Variants in SAMD12 observed in about 807,000 individuals in gnomAD.
The protein encoded by SAMD12 is sterile alpha motif domain containing 12.
SAMD12 carries 9 observed loss-of-function variants against 15.0 expected under a neutral mutation model. The observed-to-expected ratio is 0.60, with a 90% CI of 0.36 to 1.05. The LOEUF (loss-of-function observed/expected upper bound fraction) is 1.05, where lower values mean the gene tolerates loss of function less well. Among genes scored for constraint, SAMD12 ranks in the 50% least tolerant of loss-of-function variants. The pLI is 0.01. For synonymous variants in SAMD12, 86 were observed against 90.1 expected, an observed-to-expected ratio of 0.96 and a Z score of 0.25; for missense variants, 230 against 234.2, an observed-to-expected ratio of 0.98 and a Z score of 0.12.
chr8:118,361,369 T>A (rs1477901041), intron 4 of SAMD12, among the ~76,000 whole-genome samples: 2 of 152,154 alleles, frequency 1.3e-5, no homozygotes, highest in African/African-American at 2.4e-5. Context: ...TCCCACTACC[T>A]CATCGGACAC....
At chr8:118,325,502 G>A (rs1816523993) in intron 4 of SAMD12, among the ~76,000 whole-genome samples, 1 of 152,200 alleles carries the variant, frequency 6.6e-6, no homozygotes, top group African/African-American at 2.4e-5. Context: ...TTTGACATAT[G>A]TGTACCTTGT....
intron 2 of SAMD12, among the ~76,000 whole-genome samples, chr8:118,470,049 A>G (rs894079059): frequency 1.3e-5 from 2 of 152,158 alleles, no homozygotes; most frequent in Non-Finnish European, 2.9e-5. Context: ...TTAGAGAGTA[A>G]GACAGAAAGA....
At chr8:118,459,897 A>G (rs1365912462) in intron 2 of SAMD12, among the ~76,000 whole-genome samples, 7 of 152,226 alleles carry the variant, frequency 4.6e-5, no homozygotes, top group Admixed American at 3.9e-4. Flanking sequence ...ACACAAGAGC[A>G]GACACTAAGG....
chr8:118,375,306 TCTGA>T (rs1428662007), downstream of SAMD12, among the ~76,000 whole-genome samples: 3 of 152,170 alleles, frequency 2.0e-5, no homozygotes, highest in Non-Finnish European at 4.4e-5. Context: ...TTACTAGTTG[TCTGA>T]CTATGAGTAT....
chr8:118,548,251 T>C (rs992857484), intron 2 of SAMD12, among the ~76,000 whole-genome samples: 2 of 152,180 alleles, frequency 1.3e-5, no homozygotes, highest in African/African-American at 4.8e-5. Flanking sequence ...TTTTAAAAGA[T>C]ACCCTTTTAT....
chr8:118,607,304 C>T (rs1419803770), intron 1 of SAMD12, among the ~76,000 whole-genome samples: 4 of 152,030 alleles, frequency 2.6e-5, no homozygotes, highest in East Asian at 1.9e-4. Context: ...GGCACAATCT[C>T]GGCTCACTGC....
At chr8:118,133,609 A>G in the SAMD12 span, among the ~76,000 whole-genome samples, 6 of 152,122 alleles carry the variant, frequency 3.9e-5, no homozygotes, top group Non-Finnish European at 8.8e-5. Context: ...CCTTTTTTAG[A>G]TTATGAATTC....
intron 2 of SAMD12, among the ~76,000 whole-genome samples, chr8:118,564,746 G>C (rs1826802958): frequency 6.6e-6 from 1 of 152,216 alleles, no homozygotes; most frequent in Non-Finnish European, 1.5e-5. Flanking sequence ...TTATGGGGCA[G>C]TAACAAACAT....
intron 2 of SAMD12, among the ~76,000 whole-genome samples, chr8:118,444,009 T>G (rs16891032): frequency 6.6e-6 from 1 of 152,124 alleles, no homozygotes; most frequent in African/African-American, 2.4e-5. Context: ...GACCGCCTCG[T>G]CTCCTTTCCT....
At chr8:118,165,443 A>C in the SAMD12 span, among the ~76,000 whole-genome samples, 1 of 151,668 alleles carries the variant, frequency 6.6e-6, no homozygotes, top group Admixed American at 6.6e-5. Context: ...TTTAGTAGAG[A>C]CGGGGTTTCA....
chr8:118,314,316 C>T (rs6469732), intron 4 of SAMD12, among the ~76,000 whole-genome samples: 72,223 of 151,510 alleles, frequency 0.48, 19,700 homozygotes, highest in African/African-American at 0.77. Flanking sequence ...TAATTATAGA[C>T]TCACAGGAAG....
chr8:118,146,849 G>A, the SAMD12 span, among the ~76,000 whole-genome samples: 1 of 152,106 alleles, frequency 6.6e-6, no homozygotes, highest in Non-Finnish European at 1.5e-5. Context: ...AATGAGCCCT[G>A]GGATTTCACT....
chr8:118,240,235 G>T (rs540971237), intron 4 of SAMD12, among the ~76,000 whole-genome samples: 1 of 152,222 alleles, frequency 6.6e-6, no homozygotes, highest in Non-Finnish European at 1.5e-5. Flanking sequence ...GATGACTGCA[G>T]CCCTGATTGA....
chr8:118,548,513 G>A (rs1003730828), intron 2 of SAMD12, among the ~76,000 whole-genome samples: 1 of 152,052 alleles, frequency 6.6e-6, no homozygotes, highest in Non-Finnish European at 1.5e-5. Context: ...TACTCTAAAG[G>A]TATTTGTTAA....
intron 2 of SAMD12, among the ~76,000 whole-genome samples, chr8:118,515,163 C>T (rs941239593): frequency 1.3e-5 from 2 of 150,296 alleles, no homozygotes; most frequent in Admixed American, 6.6e-5. Flanking sequence ...GGACTATAGG[C>T]GCCCGCCACC....
intron 3 of SAMD12, among the ~76,000 whole-genome samples, chr8:118,428,463 AT>A (rs976392494): frequency 1.9e-4 from 29 of 152,082 alleles, no homozygotes; most frequent in Admixed American, 1.6e-3. Context: ...CAATTTATCA[AT>A]TTTTTTTCTT....
At chr8:118,620,966 T>A (rs1310256039) in intron 1 of SAMD12, 4 of 152,088 alleles carry the variant, frequency 2.6e-5, no homozygotes, top group African/African-American at 2.4e-5. Flanking sequence ...GGTCCACAGT[T>A]TTTTTTTCTT....
intron 3 of SAMD12, among the ~76,000 whole-genome samples, chr8:118,405,300 A>C (rs1284828959): frequency 6.6e-6 from 1 of 152,208 alleles, no homozygotes; most frequent in Non-Finnish European, 1.5e-5. Flanking sequence ...ACTGGAAATA[A>C]TCCAATGTCC....
chr8:118,325,770 T>C (rs1563764918), intron 4 of SAMD12, among the ~76,000 whole-genome samples: 1 of 152,328 alleles, frequency 6.6e-6, no homozygotes, highest in Middle Eastern at 3.4e-3. Flanking sequence ...TATCCTTGAT[T>C]GTAGTCCTCT....
Sources: gnomAD v4.1 joint callset for allele counts (sites outside exome capture counted in the v4.1 genomes callset) on GRCh38, gnomAD v4.1.1 for gene constraint, MANE v1.5 for transcripts, NCBI Gene and HGNC (gene_info 2026-07-23, HGNC 2026-07-21) for gene names.